DPP8: variants seen among roughly 807,000 people sequenced by gnomAD.
The protein encoded by DPP8 is dipeptidyl peptidase 8, also known as DPP VIII.
Under a neutral mutation model 107.5 loss-of-function variants are expected in DPP8, and 31 were observed. That is an observed-to-expected ratio of 0.29 (90% CI 0.22 to 0.39). DPP8 has a LOEUF of 0.39. Ranked by LOEUF, DPP8 falls within the 10% of genes least tolerant of loss-of-function variation. DPP8 has a pLI of 1.00. For missense variants in DPP8, 842 were observed against 1,076.1 expected, an observed-to-expected ratio of 0.78 and a Z score of 3.04; for synonymous variants, 381 against 356.6, an observed-to-expected ratio of 1.07 and a Z score of -0.77.
chr15:65,455,885 T>G, intron 16 of DPP8: 1 of 1,253,170 alleles, frequency 8.0e-7, no homozygotes, highest in Non-Finnish European at 1.0e-6. Flanking sequence ...CACTAACCAG[T>G]TGGATTCCCT....
chr15:65,506,645 AT>A (rs929722298), intron 3 of DPP8, among the ~76,000 whole-genome samples: 3 of 16,952 alleles, frequency 1.8e-4, no homozygotes, highest in African/African-American at 4.9e-4. Context: ...CATAACATAT[AT>A]AAAATATATA....
At chr15:65,515,827 G>T in intron 1 of DPP8, 2 of 782,216 alleles carry the variant, frequency 2.6e-6, no homozygotes, top group Non-Finnish European at 4.0e-6. Context: ...ATAAGACTTT[G>T]ATCATTAAGA....
intron 6 of DPP8, among the ~76,000 whole-genome samples, 162 bp downstream of exon 6, chr15:65,490,027 A>G (rs1385096200): frequency 6.6e-6 from 1 of 152,112 alleles, no homozygotes; most frequent in East Asian, 1.9e-4. Context: ...CCTAATCTAC[A>G]TATTTTAAAT....
chr15:65,515,760 A>T lies in DPP8; in HGVS notation c.-12+1726T>A, dbSNP rs561797444. 5 of 1,451,358 alleles carry T rather than the reference A, an allele frequency of 3.4e-6. No individual in the cohort carries two copies. The African/African-American group carries it at 7.0e-5, about 20-fold the overall frequency. The allele number at this position is 1,451,358 out of a possible 1,614,324, so 89.9% of individuals were successfully genotyped here. Reference sequence around the variant, plus strand: ...TCCCTCTGCTCATCCTGCTCTTCTCACAGGAATCTTTCCTTTCCTCACCAT... The same window carrying T: ...TCCCTCTGCTCATCCTGCTCTTCTCTCAGGAATCTTTCCTTTCCTCACCAT... On this transcript the variant is annotated intron_variant, in intron 1 of 19. Transcript: ENST00000300141.
At chr15:65,463,984 A>T in intron 14 of DPP8, 78 bp from the exon 15 acceptor site, 1 of 1,164,998 alleles carries the variant, frequency 8.6e-7, no homozygotes, top group South Asian at 1.7e-5. Context: ...GAAACAAGAT[A>T]TTAAAAGTCA....
intron 12 of DPP8, among the ~76,000 whole-genome samples, chr15:65,473,058 G>A (rs556110031): frequency 6.6e-6 from 1 of 152,036 alleles, no homozygotes; most frequent in East Asian, 1.9e-4. Context: ...AGCAAATGGT[G>A]AGCAGGACGC....
chr15:65,497,154 T>G (rs1454012009), intron 5 of DPP8, among the ~76,000 whole-genome samples: 1 of 152,240 alleles, frequency 6.6e-6, no homozygotes, highest in Non-Finnish European at 1.5e-5. Context: ...CCTCCCAAAG[T>G]GCTTGGGACT....
chr15:65,457,339 C>T (rs187465320), intron 15 of DPP8, among the ~76,000 whole-genome samples: 221 of 152,110 alleles, frequency 1.5e-3, no homozygotes, highest in African/African-American at 5.2e-3. Flanking sequence ...CTGGGCAACA[C>T]AGTGAGACTC....
chr15:65,515,656 C>T, intron 1 of DPP8: 3 of 1,613,874 alleles, frequency 1.9e-6, no homozygotes, highest in Non-Finnish European at 2.5e-6. Flanking sequence ...TGGTGCCTAC[C>T]TGATTTTATT....
Position 65,446,964 on chromosome 15 carries a change from C to T in DPP8, c.2569G>A (p.Gly857Arg). The T allele has an allele frequency of 6.2e-7, 1 of 1,611,988 alleles. No individual in the cohort carries two copies. The highest frequency in any genetic ancestry group is 8.5e-7 in the Non-Finnish European group (1 of 1,178,808). The change falls in exon 20 of 20, where the codon GGA becomes AGA. Residue 857 changes from glycine (G) to arginine (R), a missense_variant. This residue lies in a region of DPP8 where 179 missense variants were observed against 318.0 expected (regional missense o/e 0.56). Transcript: ENST00000300141. ...AAAAGATGCAGTTCATAATGTTCTC[C>T]CGATTCAGGAACTCTTATGCTGTGT... Reference protein sequence around the residue: ...ERHSIRVPESGEHYELHLLHY... With the variant: ...ERHSIRVPESREHYELHLLHY...
At chr15:65,454,514 G>A in intron 16 of DPP8, 99 bp from the exon 17 acceptor site, 1 of 1,085,766 alleles carries the variant, frequency 9.2e-7, no homozygotes, top group South Asian at 1.6e-5. Context: ...AATACCTGTA[G>A]GTGTTTTAAT....
At chr15:65,477,567 T>C (rs2066510000) in intron 11 of DPP8, among the ~76,000 whole-genome samples, 1 of 150,478 alleles carries the variant, frequency 6.6e-6, no homozygotes. Context: ...TCTCCTGCTG[T>C]TGCCCACACT....
intron 11 of DPP8, chr15:65,475,279 A>G: frequency 1.6e-6 from 1 of 645,152 alleles, no homozygotes; most frequent in East Asian, 2.9e-5. Context: ...GAGAGACCCA[A>G]ATACCTCTAT....
At chr15:65,448,913 TA>T (rs2063751346) in intron 19 of DPP8, among the ~76,000 whole-genome samples, 3 of 88,222 alleles carry the variant, frequency 3.4e-5, no homozygotes, top group African/African-American at 1.4e-4. Context: ...TATATATATA[TA>T]TATATATATT....
chr15:65,489,412 A>ATTT (rs1567234759), intron 6 of DPP8, among the ~76,000 whole-genome samples: 1 of 20,708 alleles, frequency 4.8e-5, no homozygotes, highest in Admixed American at 7.5e-4. Flanking sequence ...AATATAATCT[A>ATTT]CTTTTTTTTT....
At chr15:65,506,716 AACAT>A in intron 3 of DPP8, among the ~76,000 whole-genome samples, 1 of 149,052 alleles carries the variant, frequency 6.7e-6, no homozygotes, top group Non-Finnish European at 1.5e-5. Flanking sequence ...TACATATATA[AACAT>A]ATATATGTTT....
chr15:65,493,350 G>A (rs2068238242), intron 5 of DPP8, among the ~76,000 whole-genome samples: 1 of 152,060 alleles, frequency 6.6e-6, no homozygotes, highest in African/African-American at 2.4e-5. Flanking sequence ...CCAAAGTGCT[G>A]GGATTACAGG....
intron 5 of DPP8, among the ~76,000 whole-genome samples, chr15:65,493,272 G>A (rs947015189): frequency 2.6e-5 from 4 of 151,998 alleles, no homozygotes; most frequent in African/African-American, 4.8e-5. Flanking sequence ...AGTAGAGACA[G>A]GGTTTCTCCA....
chr15:65,447,868 C>T (rs2063583665), intron 19 of DPP8, among the ~76,000 whole-genome samples: 1 of 152,150 alleles, frequency 6.6e-6, no homozygotes, highest in African/African-American at 2.4e-5. Flanking sequence ...CTTCCCAATA[C>T]TTAGACACTT....
Sources: gnomAD v4.1 joint callset for allele counts (sites outside exome capture counted in the v4.1 genomes callset) on GRCh38, gnomAD v4.1.1 for gene constraint, gnomAD v4.1.1 regional missense constraint, MANE v1.5 for transcripts, NCBI Gene and HGNC (gene_info 2026-07-23, HGNC 2026-07-21) for gene names.